CDC25C: variants seen among roughly 807,000 people sequenced by gnomAD.
The protein encoded by CDC25C is cell division cycle 25C.
A neutral mutation model predicts 52.5 loss-of-function variants in CDC25C; 48 were observed. The ratio of observed to expected loss-of-function variants is 0.91; its 90% CI spans 0.72 to 1.16. The LOEUF is 1.16. Among genes scored for constraint, CDC25C ranks in the 50% most tolerant of loss-of-function variants. CDC25C has a pLI of 0.00. For synonymous variants in CDC25C, 187 were observed against 206.5 expected, an observed-to-expected ratio of 0.91 and a Z score of 0.81; for missense variants, 510 against 566.1, an observed-to-expected ratio of 0.90 and a Z score of 1.01.
chr5:138,322,398 C>G (rs2126807712), intron 6 of CDC25C, among the ~76,000 whole-genome samples: 1 of 149,684 alleles, frequency 6.7e-6, no homozygotes, highest in East Asian at 2.0e-4. Flanking sequence ...CTCCTGGGTT[C>G]AACTGATTCT....
At chr5:138,286,822 A>G (rs1422340335) in intron 11 of CDC25C, among the ~76,000 whole-genome samples, 192 bp from the exon 12 acceptor site, 1 of 152,216 alleles carries the variant, frequency 6.6e-6, no homozygotes, top group Non-Finnish European at 1.5e-5. Context: ...TAGATGGTCA[A>G]TAAATGTTTA....
At position 138,285,771 on chromosome 5, in the gene CDC25C, C is replaced by T. The variant is rs763092226; in HGVS notation, c.1343G>A (p.Arg448Gln). The change falls in exon 14 of 14, where the codon CGA (arginine) becomes CAA (glutamine). Residue 448 changes from arginine (R) to glutamine (Q), a missense_variant. Transcript: ENST00000323760. ...QDHKTELLRC[R>Q]SQSKVQEGER... ...CCCTTCCTGCACTTTGCTCTGGCTT[C>T]GACACCTCAGCAACTCAGTCTTGTG... 12 of 1,614,174 alleles carry T rather than the reference C, an allele frequency of 7.4e-6. No homozygotes were observed. The highest frequency in any genetic ancestry group is 3.3e-5 in the South Asian group (3 of 91,076).
intron 7 of CDC25C, among the ~76,000 whole-genome samples, chr5:138,313,995 C>CTTTCTTTTTTT (rs1554117939): frequency 8.9e-6 from 1 of 112,676 alleles, no homozygotes; most frequent in Non-Finnish European, 1.8e-5. Context: ...TTCTTTCTTT[C>CTTTCTTTTTTT]TTTTTTTTTT....
At chr5:138,286,940 G>A (rs1036839618) in intron 11 of CDC25C, among the ~76,000 whole-genome samples, 2 of 152,094 alleles carry the variant, frequency 1.3e-5, no homozygotes, top group Non-Finnish European at 2.9e-5. Flanking sequence ...TTTCTAGGTA[G>A]GACCCCTTGG....
At chr5:138,311,146 C>A (rs1314238595) in intron 7 of CDC25C, among the ~76,000 whole-genome samples, 2 of 152,128 alleles carry the variant, frequency 1.3e-5, no homozygotes, top group African/African-American at 4.8e-5. Flanking sequence ...CAGCAATGCA[C>A]AAGGGTCCCA....
intron 7 of CDC25C, among the ~76,000 whole-genome samples, chr5:138,305,996 T>C (rs1346153456): frequency 6.6e-6 from 1 of 152,208 alleles, no homozygotes; most frequent in Non-Finnish European, 1.5e-5. Context: ...ACAGTCTATC[T>C]AGCAGCAAGC....
chr5:138,336,750 C>T (rs1760730857), upstream of CDC25C: 2 of 152,098 alleles, frequency 1.3e-5, no homozygotes, highest in South Asian at 2.1e-4. Flanking sequence ...ACCATGTGTC[C>T]CCTACTTCAT....
chr5:138,295,200 T>C (rs962176282), intron 7 of CDC25C, among the ~76,000 whole-genome samples: 20 of 152,350 alleles, frequency 1.3e-4, no homozygotes, highest in African/African-American at 4.8e-4. Flanking sequence ...TGTTTCAATG[T>C]TTTAGGTTTC....
At chr5:138,332,195 G>C (rs1005651569), upstream of CDC25C, 1 of 152,250 alleles carries the variant, frequency 6.6e-6, no homozygotes. Context: ...GGTAATACTA[G>C]GAGAGATTAT....
At position 138,293,027 on chromosome 5, in the gene CDC25C, A is replaced by G. The variant is rs1484778792; in HGVS notation, c.616-911T>C. Among the ~76,000 whole-genome samples, 9 of 152,332 alleles carry G rather than the reference A, an allele frequency of 5.9e-5. No homozygotes were observed. In the East Asian group the frequency reaches 1.7e-3, roughly 29 times the overall value. The stretch of plus-strand genomic sequence containing the variant: ...TAACTGGAAGGCAGCTTGATGATCA[A>G]TGGTTTCTGGAAGAACGAAATAAGA... On this transcript the variant is annotated intron_variant, in intron 7 of 13. Coordinates refer to ENST00000323760, the MANE Select transcript of CDC25C (RefSeq NM_001790.5).
intron 7 of CDC25C, among the ~76,000 whole-genome samples, chr5:138,315,212 C>T (rs1758786879): frequency 6.6e-6 from 1 of 152,170 alleles, no homozygotes; most frequent in South Asian, 2.1e-4. Flanking sequence ...CATAAACCAC[C>T]ACGCCCAGCC....
chr5:138,287,306 ACT>A (rs747137444), intron 10 of CDC25C, 39 bp from the exon 11 acceptor site: 1 of 1,410,882 alleles, frequency 7.1e-7, no homozygotes, highest in East Asian at 2.3e-5. Context: ...GCTCACTGCC[ACT>A]CTGAGGGAGA....
rs770854470 is a variant in CDC25C at position 138,286,484 on chromosome 5, T to G, written c.1160+13A>C. On this transcript the variant is annotated intron_variant, in intron 12 of 13. Coordinates refer to ENST00000323760, the MANE Select transcript of CDC25C (RefSeq NM_001790.5). ...CATTTCCATCACCCGCCAGACCCCA[T>G]TTAGACACTCACATTCGGGGGCCCC... The G allele has an allele frequency of 6.2e-7, 1 of 1,608,172 alleles. No homozygotes were observed. The highest frequency in any genetic ancestry group is 1.3e-5 in the African/African-American group (1 of 74,728).
rs564256580 is a variant in CDC25C, at chr5:138,329,594, G to A, written c.248C>T (p.Thr83Ile). The A allele has an allele frequency of 1.3e-5, 21 of 1,613,488 alleles. No individual in the cohort carries two copies. The highest frequency in any genetic ancestry group is 1.8e-5 in the Non-Finnish European group (21 of 1,179,670). ...DLSNLSSGEI[T>I]ATQLTTSADL... ...TGCAGAAGTGGTAAGCTGAGTGGCA[G>A]TTATCTCCCCACTGCTAAGATTCGA... Residue 83 changes from threonine (T) to isoleucine (I), a missense_variant, in exon 3 of 14, where the codon ACT becomes ATT. Thr to Ile is a moderately conservative substitution (Grantham distance 89). Transcript: ENST00000323760.
intron 2 of CDC25C, among the ~76,000 whole-genome samples, chr5:138,330,189 C>T (rs1323054990): frequency 3.9e-5 from 6 of 151,966 alleles, no homozygotes; most frequent in Non-Finnish European, 7.4e-5. Flanking sequence ...CATACTGAAA[C>T]AGATAATTTT....
rs780862578 is a variant in CDC25C, at chr5:138,285,650, T to G, written c.*42A>C. 1 of 1,597,456 alleles carries G rather than the reference T, an allele frequency of 6.3e-7. No homozygotes were observed. The highest frequency in any genetic ancestry group is 2.2e-5 in the East Asian group (1 of 44,752). ...CTCTTTCTGCTCAGGGTTTCTGCAG[T>G]GTCTTTTGGTGACTTGTTAGCAGCC... is the stretch of plus-strand genomic sequence containing the variant. On this transcript the variant is annotated 3_prime_UTR_variant, in exon 14 of 14. Coordinates refer to ENST00000323760, the MANE Select transcript of CDC25C (RefSeq NM_001790.5).
chr5:138,307,950 T>C (rs1758148064), intron 7 of CDC25C, among the ~76,000 whole-genome samples: 2 of 152,132 alleles, frequency 1.3e-5, no homozygotes, highest in South Asian at 4.1e-4. Flanking sequence ...AGGCATTAGT[T>C]AGATTCTCAG....
intron 7 of CDC25C, among the ~76,000 whole-genome samples, chr5:138,313,390 A>G (rs1296542880): frequency 2.0e-5 from 3 of 151,172 alleles, no homozygotes; most frequent in Non-Finnish European, 4.4e-5. Context: ...AAAAAAAAAA[A>G]AAAAAAAAAA....
At chr5:138,321,239 T>G (rs971074542) in intron 6 of CDC25C, among the ~76,000 whole-genome samples, 1 of 152,178 alleles carries the variant, frequency 6.6e-6, no homozygotes, top group African/African-American at 2.4e-5. Context: ...ATACAGCTTC[T>G]GTTTTGAATA....
Sources: gnomAD v4.1 joint callset for allele counts (sites outside exome capture counted in the v4.1 genomes callset) on GRCh38, gnomAD v4.1.1 for gene constraint, MANE v1.5 for transcripts, NCBI Gene and HGNC (gene_info 2026-07-23, HGNC 2026-07-21) for gene names.